The following S100Z variants were observed in gnomAD, a reference collection of about 807,000 sequenced individuals.
The protein encoded by S100Z is S100 calcium binding protein Z.
In S100Z, 11 loss-of-function variants were observed where a neutral mutation model predicts 8.5. The ratio of observed to expected loss-of-function variants is 1.30; its 90% confidence interval spans 0.82 to 2.15. The LOEUF is 2.15. Among genes scored for constraint, S100Z ranks in the 30% most tolerant of loss-of-function variants. The pLI is 0.00. For missense variants in S100Z, 126 were observed against 117.9 expected (o/e 1.07, Z -0.32); for synonymous variants, 34 against 43.8 (o/e 0.78, Z 0.89).
At chr5:76,941,848 G>A in the S100Z span, among the ~76,000 whole-genome samples, 1 of 152,068 alleles carries the variant, frequency 6.6e-6, no homozygotes, top group African/African-American at 2.4e-5. Flanking sequence ...ATTCTTCTGG[G>A]CAGGAGACTT....
chr5:76,878,930 G>A lies in S100Z; in HGVS notation c.*2+1096G>A, dbSNP rs746170356. ...AGAAGTCCAGGATGACAAAACAACC[G>A]TTGCTGTTTGCCCATCTGATATCTG... On this transcript the variant is annotated intron_variant, in intron 4 of 4. Coordinates refer to ENST00000317593, the MANE Select transcript of S100Z (RefSeq NM_130772.4). Among the ~76,000 whole-genome samples, 16 of 152,298 alleles carry A rather than the reference G, an allele frequency of 1.1e-4. No individual in the cohort carries two copies. The South Asian group carries it at 1.2e-3, about 12-fold the overall frequency.
intron 1 of S100Z, among the ~76,000 whole-genome samples, chr5:76,851,757 G>A (rs1579985470): frequency 6.6e-6 from 1 of 152,154 alleles, no homozygotes; most frequent in East Asian, 1.9e-4. Flanking sequence ...TGGGTCCTAG[G>A]TAGGATTTAA....
intron 4 of S100Z, among the ~76,000 whole-genome samples, chr5:76,893,277 C>T (rs1411751890): frequency 6.6e-6 from 1 of 152,074 alleles, no homozygotes; most frequent in African/African-American, 2.4e-5. Context: ...TAATTTTCTG[C>T]ACCCCCATCA....
chr5:76,880,375 T>C (rs1044413336), intron 4 of S100Z, among the ~76,000 whole-genome samples: 15 of 151,860 alleles, frequency 9.9e-5, no homozygotes, highest in Non-Finnish European at 1.9e-4. Flanking sequence ...AACAAAATAG[T>C]GGTGAAGTGT....
intron 1 of S100Z, among the ~76,000 whole-genome samples, chr5:76,866,304 C>T (rs1011354296): frequency 3.9e-5 from 6 of 151,940 alleles, no homozygotes; most frequent in Admixed American, 6.6e-5. Flanking sequence ...ACAATGGTCT[C>T]GAAATTCTGG....
intron 2 of S100Z, among the ~76,000 whole-genome samples, chr5:76,874,520 C>T (rs1301882682): frequency 6.6e-6 from 1 of 152,140 alleles, no homozygotes; most frequent in Non-Finnish European, 1.5e-5. Flanking sequence ...AAATACGGAG[C>T]AGAGGCACCT....
Position 76,852,205 on chromosome 5 carries a change from C to T in S100Z, c.-176+2050C>T, listed in dbSNP as rs547502099. 7.2e-5 allele frequency among the ~76,000 whole-genome samples: 11 copies of T among 152,276 alleles called. No individual in the cohort carries two copies. In the East Asian group the frequency reaches 1.9e-3, roughly 27 times the overall value. On this transcript the variant is annotated intron_variant, in intron 1 of 4. Transcript: ENST00000317593. ...GCCTCCACTCCACTTGGCTGTCTGG[C>T]ACTGAAGCAGTGTCGGTCCTCTTAT...
intron 4 of S100Z, among the ~76,000 whole-genome samples, chr5:76,892,553 C>G (rs868789205): frequency 1.6e-4 from 24 of 151,088 alleles, no homozygotes; most frequent in African/African-American, 5.4e-4. Flanking sequence ...ACAAAAAGCA[C>G]AAAATCACAA....
At chr5:76,888,468 C>T (rs1319854342) in intron 4 of S100Z, among the ~76,000 whole-genome samples, 17 of 141,536 alleles carry the variant, frequency 1.2e-4, no homozygotes, top group African/African-American at 3.4e-4. Flanking sequence ...CTCTGCCTCC[C>T]GGGTTCACGC....
At chr5:76,923,075 A>G (rs1745077052), downstream of S100Z, among the ~76,000 whole-genome samples, 1 of 152,016 alleles carries the variant, frequency 6.6e-6, no homozygotes, top group South Asian at 2.1e-4. Context: ...ATAATTTAAT[A>G]ATTCCGTGAC....
chr5:76,877,412 A>G (rs1206083788), intron 3 of S100Z, among the ~76,000 whole-genome samples: 1 of 152,090 alleles, frequency 6.6e-6, no homozygotes, highest in Non-Finnish European at 1.5e-5. Context: ...GTTTTTAGCA[A>G]CAGTCACTCA....
the S100Z span, among the ~76,000 whole-genome samples, chr5:76,936,286 T>C: frequency 4.6e-3 from 699 of 152,184 alleles, 5 homozygotes; most frequent in African/African-American, 0.016. Context: ...AGAAATCATA[T>C]TGCATCTCTG....
At chr5:76,862,821 A>G (rs1437039779) in intron 1 of S100Z, among the ~76,000 whole-genome samples, 1 of 151,718 alleles carries the variant, frequency 6.6e-6, no homozygotes, top group Non-Finnish European at 1.5e-5. Flanking sequence ...AACAACAACA[A>G]CAAAAACCCT....
At chr5:76,852,213 C>A (rs1454961802) in intron 1 of S100Z, among the ~76,000 whole-genome samples, 4 of 152,138 alleles carry the variant, frequency 2.6e-5, no homozygotes, top group African/African-American at 9.7e-5. Context: ...GGCACTGAAG[C>A]AGTGTCGGTC....
chr5:76,939,844 C>T, the S100Z span, among the ~76,000 whole-genome samples: 5 of 151,890 alleles, frequency 3.3e-5, no homozygotes, highest in African/African-American at 1.2e-4. Context: ...TTAAAATTGG[C>T]ACGTCTGACT....
intron 4 of S100Z, among the ~76,000 whole-genome samples, chr5:76,911,525 G>T (rs1309142569): frequency 1.3e-5 from 2 of 152,156 alleles, no homozygotes; most frequent in Non-Finnish European, 2.9e-5. Flanking sequence ...TATGTGGACC[G>T]TCTTGCCCCA....
the S100Z span, among the ~76,000 whole-genome samples, chr5:76,940,682 G>T: frequency 6.6e-6 from 1 of 152,116 alleles, no homozygotes; most frequent in Non-Finnish European, 1.5e-5. Flanking sequence ...CAAAGTGCTG[G>T]GATTACAGGC....
chr5:76,886,723 A>G (rs1000899264), intron 4 of S100Z, among the ~76,000 whole-genome samples: 1 of 152,272 alleles, frequency 6.6e-6, no homozygotes, highest in African/African-American at 2.4e-5. Context: ...ATTAGTTCTT[A>G]TAGGTTTTGG....
intron 1 of S100Z, among the ~76,000 whole-genome samples, chr5:76,862,383 C>T (rs1378642584): frequency 1.1e-4 from 16 of 152,202 alleles, no homozygotes; most frequent in Admixed American, 9.8e-4. Context: ...CCTGTGATAA[C>T]AAGATGGAAG....
Sources: gnomAD v4.1 joint callset for allele counts (sites outside exome capture counted in the v4.1 genomes callset) on GRCh38, gnomAD v4.1.1 for gene constraint, MANE v1.5 for transcripts, NCBI Gene and HGNC (gene_info 2026-07-23, HGNC 2026-07-21) for gene names.